Variants in PTPRB observed in about 807,000 individuals in gnomAD.
PTPRB encodes protein tyrosine phosphatase receptor type B.
A neutral mutation model predicts 238.1 loss-of-function variants in PTPRB; 97 were observed. The observed-to-expected ratio is 0.41, with a 90% CI of 0.35 to 0.48. PTPRB has a LOEUF of 0.48. Ranked by LOEUF, PTPRB falls within the 20% of genes least tolerant of loss-of-function variation. PTPRB has a pLI of 0.30. For synonymous variants in PTPRB, 970 were observed against 995.4 expected (o/e 0.97, Z 0.48); for missense variants, 2,292 against 2,681.9 (o/e 0.85, Z 3.21).
chr12:70,607,962 G>T (rs999699901), intron 4 of PTPRB, among the ~76,000 whole-genome samples: 1 of 150,228 alleles, frequency 6.7e-6, no homozygotes, highest in Non-Finnish European at 1.5e-5. Context: ...ATGTAATTGG[G>T]CATTTTGATT....
At position 70,555,402 on chromosome 12, in the gene PTPRB, C is replaced by T. The variant is rs1877505342; in HGVS notation, c.4994-93G>A. On this transcript the variant is annotated intron_variant, in intron 19 of 33. Coordinates refer to ENST00000334414, the MANE Select transcript of PTPRB (RefSeq NM_001109754.4). ...TAGTGAAATGAAGGATTCTGCTCTC[C>T]TGCATCAGACTGTGTGTGTGTGAGC... 13 of 1,179,536 alleles carry T rather than the reference C, an allele frequency of 1.1e-5. No individual in the cohort carries two copies. The South Asian group carries it at 1.7e-4, about 16-fold the overall frequency. The allele number at this position is 1,179,536 out of a possible 1,614,324, so 73.1% of individuals were successfully genotyped here. A position where few individuals can be genotyped will look rare whatever the true frequency, so the allele number is the denominator to read the frequency against.
intron 3 of PTPRB, chr12:70,609,714 G>T (rs1351489907): frequency 2.0e-6 from 3 of 1,515,948 alleles, no homozygotes; most frequent in Non-Finnish European, 2.7e-6. Context: ...TTTGGTTTTC[G>T]GCGGGGAGGG....
chr12:70,601,297 CG>C (rs1883467137), intron 4 of PTPRB, among the ~76,000 whole-genome samples: 1 of 152,222 alleles, frequency 6.6e-6, no homozygotes, highest in South Asian at 2.1e-4. Flanking sequence ...CACCACGCCC[CG>C]CCTCTTCCTT....
At position 70,590,209 on chromosome 12, in the gene PTPRB, T is replaced by A; in HGVS notation, c.1805A>T (p.Glu602Val). ...CCTCATCCTGCCATTATTGTTTGCC[T>A]CCAGGTTTGCAACTTTGTCTGGAAC... is the stretch of plus-strand genomic sequence containing the variant. ...RTFPDKVANL[E>V]ANNNGRMRSL... Residue 602 changes from glutamate to valine, a missense_variant, in exon 8 of 34, where the codon GAG (glutamate) becomes GTG (valine). Coordinates refer to ENST00000334414, the MANE Select transcript of PTPRB (RefSeq NM_001109754.4). The A allele has an allele frequency of 6.4e-7, 1 of 1,573,218 alleles. No homozygotes were observed. Among genetic ancestry groups the A allele is most frequent in the Non-Finnish European group, 8.6e-7 (1 of 1,158,178 alleles).
chr12:70,609,061 T>A lies in PTPRB; in HGVS notation c.979+8A>T, dbSNP rs368613000. ...CTTGGCCATCCAATTGCACCTGTCATCCTTTACCTGTTTGCAAGACCACTG... is the reference window on the plus strand; with the variant it reads ...CTTGGCCATCCAATTGCACCTGTCAACCTTTACCTGTTTGCAAGACCACTG... On this transcript the variant is annotated splice_region_variant and intron_variant, in intron 4 of 33. Coordinates refer to ENST00000334414, the MANE Select transcript of PTPRB (RefSeq NM_001109754.4). 583 of 1,613,648 alleles carry A rather than the reference T, an allele frequency of 3.6e-4. 1 individual carries two copies. Among genetic ancestry groups the A allele is most frequent in the Non-Finnish European group, 4.6e-4 (544 of 1,179,712 alleles).
intron 16 of PTPRB, among the ~76,000 whole-genome samples, chr12:70,562,071 A>C (rs1048617218): frequency 6.6e-6 from 1 of 152,228 alleles, no homozygotes; most frequent in Non-Finnish European, 1.5e-5. Flanking sequence ...GGAGTTCAAG[A>C]CCAGCCTGGG....
At chr12:70,556,452 A>G (rs1877698887) in intron 18 of PTPRB, among the ~76,000 whole-genome samples, 1 of 152,222 alleles carries the variant, frequency 6.6e-6, no homozygotes. Context: ...ATATATCAAT[A>G]GAGACCTTCC....
chr12:70,572,163 C>A, intron 11 of PTPRB, 76 bp from the exon 12 acceptor site: 4 of 1,377,242 alleles, frequency 2.9e-6, no homozygotes, highest in Admixed American at 4.3e-5. Flanking sequence ...CAAGCTGGGA[C>A]AATAAAAAGA....
intron 9 of PTPRB, chr12:70,585,032 A>C (rs1241823769): frequency 6.7e-6 from 1 of 148,870 alleles, no homozygotes; most frequent in Admixed American, 6.8e-5. Context: ...CAGGATCTCG[A>C]CTCATGCAAC....
intron 27 of PTPRB, chr12:70,538,506 C>A (rs73332214): frequency 0.013 from 6,176 of 465,388 alleles, 320 homozygotes; most frequent in African/African-American, 0.11. Flanking sequence ...AGCTCCCTTT[C>A]ACTGCTGGAA....
chr12:70,516,803 T>C lies in PTPRB; in HGVS notation c.*4686A>G, dbSNP rs778173574. 6.6e-6 allele frequency: 1 copy of C among 152,226 alleles called. No homozygotes were observed. 9.4% of individuals were successfully genotyped at this position (152,226 alleles called of 1,614,324 possible). Reference sequence around the variant, plus strand: ...ATTGGCATAGAGGTTATAAAAATAATCTTTGGTAAACCTGTTAATCTCTTA... The same window carrying C: ...ATTGGCATAGAGGTTATAAAAATAACCTTTGGTAAACCTGTTAATCTCTTA... On this transcript the variant is annotated 3_prime_UTR_variant, in exon 34 of 34. Transcript: ENST00000334414.
At chr12:70,531,081 A>G (rs1379830440) in intron 32 of PTPRB, among the ~76,000 whole-genome samples, 2 of 152,254 alleles carry the variant, frequency 1.3e-5, no homozygotes, top group Admixed American at 6.5e-5. Context: ...CTCTGGTTCA[A>G]TTGTTACTGG....
chr12:70,517,888 T>C lies in PTPRB; in HGVS notation c.*3601A>G, dbSNP rs771191546. 1.3e-5 allele frequency: 2 copies of C among 152,222 alleles called. No individual in the cohort carries two copies. 9.4% of individuals were successfully genotyped at this position (152,222 alleles called of 1,614,324 possible). ...AGAATTTAGTATATGGCCAATAATATTATTGCAAAAGGTAAGGAAAATGTT... is the reference window on the plus strand; with the variant it reads ...AGAATTTAGTATATGGCCAATAATACTATTGCAAAAGGTAAGGAAAATGTT... On this transcript the variant is annotated 3_prime_UTR_variant, in exon 34 of 34. Transcript: ENST00000334414.
In PTPRB at chr12:70,635,948, T is replaced by C. The variant is rs1430220551; in HGVS notation, c.174A>G (p.Glu58=). 2 of 1,613,712 alleles carry C rather than the reference T, an allele frequency of 1.2e-6. No individual in the cohort carries two copies. Among genetic ancestry groups the C allele is most frequent in the Non-Finnish European group, 1.7e-6 (2 of 1,179,818 alleles). ...QNQQWMWTED[E]KLLHVKSALC... is the part of the protein sequence containing the mutation. ...GTGCAGATTTAACATGAAGGAGCTT[T>C]TCATCCTCAGTCCACATCCACTGCT... Residue 58 remains glutamate, a synonymous_variant, in exon 2 of 34, where the codon GAA becomes GAG. Coordinates refer to ENST00000334414, the MANE Select transcript of PTPRB (RefSeq NM_001109754.4).
At position 70,632,916 on chromosome 12, in the gene PTPRB, C is replaced by T. The variant is rs980257485; in HGVS notation, c.451+2755G>A. 2.0e-5 allele frequency among the ~76,000 whole-genome samples: 3 copies of T among 152,180 alleles called. No individual in the cohort carries two copies. In the East Asian group the frequency reaches 5.8e-4, roughly 29 times the overall value. ...CTTGTGGAGGGCACCTTAGTACTAG[C>T]ACAGGGTACCTGAGTGCTAGCACAA... On this transcript the variant is annotated intron_variant, in intron 2 of 33. Coordinates refer to ENST00000334414, the MANE Select transcript of PTPRB (RefSeq NM_001109754.4).
At chr12:70,549,143 C>A (rs1245390318) in intron 21 of PTPRB, among the ~76,000 whole-genome samples, 3 of 152,160 alleles carry the variant, frequency 2.0e-5, no homozygotes, top group Non-Finnish European at 4.4e-5. Context: ...ATAAAATGTG[C>A]TGAATATATT....
At chr12:70,537,283 T>TA (rs1294663120) in intron 28 of PTPRB, among the ~76,000 whole-genome samples, 5 of 18,576 alleles carry the variant, frequency 2.7e-4, no homozygotes, top group Non-Finnish European at 3.5e-4. Flanking sequence ...CAAGACCATC[T>TA]CAAAAAAAAA....
At chr12:70,547,415 T>C (rs11178282) in intron 21 of PTPRB, among the ~76,000 whole-genome samples, 10,907 of 152,308 alleles carry the variant, frequency 0.072, 536 homozygotes, top group Non-Finnish European at 0.099. Context: ...TTGGCAAATA[T>C]GTTGCTAATT....
Position 70,590,085 on chromosome 12 carries a change from T to G in PTPRB, c.1929A>C (p.Gly643=), listed in dbSNP as rs1882323178. ...DSVVLLNITV[G]KEETQYVMDD... is the part of the protein sequence containing the mutation. ...CCATGACATACTGTGTTTCTTCCTT[T>G]CCCACAGTGATGTTGAGCAGCACCA... is the stretch of plus-strand genomic sequence containing the variant. The change falls in exon 8 of 34, where the codon GGA becomes GGC. Residue 643 remains glycine, a synonymous_variant. Transcript: ENST00000334414. The G allele has an allele frequency of 1.2e-6, 2 of 1,613,840 alleles. No individual in the cohort carries two copies. The highest frequency in any genetic ancestry group is 2.7e-5 in the African/African-American group (2 of 74,900).
Sources: allele counts gnomAD v4.1 joint callset (sites outside exome capture counted in the v4.1 genomes callset), GRCh38; gene constraint gnomAD v4.1.1; transcripts MANE v1.5; gene names NCBI Gene and HGNC (gene_info 2026-07-23, HGNC 2026-07-21).